The following NOL10 variants were observed in gnomAD, a reference collection of about 807,000 sequenced individuals.
The protein encoded by NOL10 is nucleolar protein 10, also known as H_NH0074G24.1.
A neutral mutation model predicts 103.5 loss-of-function variants in NOL10; 58 were observed. The observed-to-expected ratio is 0.56, with a 90% CI of 0.45 to 0.70. NOL10 has a LOEUF of 0.70. NOL10 is among the 30% of genes least tolerant of loss of function. The pLI, the probability that NOL10 is intolerant of heterozygous loss-of-function variation, is 0.00. For missense variants in NOL10, 763 were observed against 807.3 expected, an observed-to-expected ratio of 0.95 and a Z score of 0.67; for synonymous variants, 287 against 282.5, an observed-to-expected ratio of 1.02 and a Z score of -0.16.
At chr2:10,589,003 T>G in intron 19 of NOL10, 40 bp downstream of exon 19, 1 of 1,603,730 alleles carries the variant, frequency 6.2e-7, no homozygotes, top group Non-Finnish European at 8.5e-7. Context: ...AGCAAGGGCT[T>G]GGTTACATGT....
rs1681088579 is a variant in NOL10 at position 10,673,535 on chromosome 2, A to C, written c.312T>G (p.Ser104=). ...DSEVVTFEIL[S]DDYSKIVFLH... The stretch of plus-strand genomic sequence containing the variant: ...TAAAACATACCTTTGAGTAGTCATC[A>C]GACAAAATTTCAAAGGTGACAACTG... The change falls in exon 5 of 21, where the codon TCT becomes TCG. Residue 104 remains serine, a synonymous_variant. Transcript: ENST00000381685. 6.3e-7 allele frequency: 1 copy of C among 1,599,048 alleles called. No homozygotes were observed. Among genetic ancestry groups the C allele is most frequent in the Non-Finnish European group, 8.5e-7 (1 of 1,171,636 alleles).
intron 9 of NOL10, 91 bp from the exon 10 acceptor site, chr2:10,659,341 TG>T (rs35723682): frequency 0.064 from 15,829 of 248,974 alleles, 920 homozygotes; most frequent in African/African-American, 0.21. Context: ...TCAAATCTAA[TG>T]GGGGGGGGGG....
chr2:10,628,406 G>C (rs1157153688), intron 13 of NOL10, among the ~76,000 whole-genome samples: 3 of 152,088 alleles, frequency 2.0e-5, no homozygotes, highest in Non-Finnish European at 4.4e-5. Context: ...ATTTACAGTT[G>C]ACTGAAACCA....
chr2:10,654,620 G>T, intron 11 of NOL10, 73 bp from the exon 12 acceptor site: 3 of 838,948 alleles, frequency 3.6e-6, no homozygotes, highest in Admixed American at 2.5e-5. Flanking sequence ...AACTGAAGCT[G>T]TAACTCAACC....
At chr2:10,589,808 C>T (rs1314987363) in intron 17 of NOL10, 57 bp from the exon 18 acceptor site, 3 of 1,098,068 alleles carry the variant, frequency 2.7e-6, no homozygotes, top group Non-Finnish European at 2.5e-6. Context: ...AAAATTTGAC[C>T]AGAAACATGG....
intron 13 of NOL10, 60 bp from the exon 14 acceptor site, chr2:10,607,371 GTTAT>G: frequency 6.6e-7 from 1 of 1,505,224 alleles, no homozygotes; most frequent in Non-Finnish European, 8.9e-7. Flanking sequence ...CCAAGTCTCA[GTTAT>G]TTATAACCAG....
At chr2:10,591,204 G>A (rs562667845) in intron 17 of NOL10, among the ~76,000 whole-genome samples, 5 of 152,202 alleles carry the variant, frequency 3.3e-5, no homozygotes, top group South Asian at 4.1e-4. Flanking sequence ...GACTTACAAC[G>A]AAGGGAAAAA....
rs578042820 is a variant in NOL10 at position 10,676,699 on chromosome 2, G to A, written c.212-828C>T. Reference sequence around the variant, plus strand: ...GTCATTTAGACTGGGGTGCAATGGCGTGATCTCGGCTCACTGCAACCTCCG... The same window carrying A: ...GTCATTTAGACTGGGGTGCAATGGCATGATCTCGGCTCACTGCAACCTCCG... On this transcript the variant is annotated intron_variant, in intron 3 of 20. Coordinates refer to ENST00000381685, the MANE Select transcript of NOL10 (RefSeq NM_024894.4). Among the ~76,000 whole-genome samples, 16 of 150,500 alleles carry A rather than the reference G, an allele frequency of 1.1e-4. No homozygotes were observed. In the South Asian group the frequency reaches 2.5e-3, roughly 24 times the overall value.
chr2:10,600,791 A>C, intron 17 of NOL10, 62 bp downstream of exon 17: 5 of 1,086,856 alleles, frequency 4.6e-6, no homozygotes, highest in Non-Finnish European at 6.8e-6. Context: ...GAAACAATAA[A>C]AAAGATGTAA....
chr2:10,586,077 G>C (rs1481793535), intron 19 of NOL10, among the ~76,000 whole-genome samples: 1 of 152,236 alleles, frequency 6.6e-6, no homozygotes, highest in East Asian at 1.9e-4. Context: ...AATCGATAGA[G>C]ACAGAAAAGT....
At chr2:10,645,660 A>C (rs1328922999) in intron 12 of NOL10, among the ~76,000 whole-genome samples, 1 of 151,478 alleles carries the variant, frequency 6.6e-6, no homozygotes, top group Non-Finnish European at 1.5e-5. Context: ...CAGCCTCCCG[A>C]GTAGCTGGGA....
At chr2:10,583,038 C>T (rs1202318656) in intron 19 of NOL10, among the ~76,000 whole-genome samples, 2 of 152,210 alleles carry the variant, frequency 1.3e-5, no homozygotes, top group African/African-American at 4.8e-5. Context: ...GGCCTTTTCC[C>T]AGCCTTCATT....
At position 10,658,032 on chromosome 2, in the gene NOL10, T is replaced by G. The variant is rs1558329970; in HGVS notation, c.757-141A>C. 5 of 526,262 alleles carry G rather than the reference T, an allele frequency of 9.5e-6. No homozygotes were observed. The East Asian group carries it at 1.6e-4, about 16-fold the overall frequency. 32.6% of individuals were successfully genotyped at this position (526,262 alleles called of 1,614,324 possible). On this transcript the variant is annotated intron_variant, in intron 10 of 20. Transcript: ENST00000381685. Reference sequence around the variant, plus strand: ...ACACCCTTACTCAAGGTGCTGAGATTTGAGATTCTTTCCAGAAAGATCTCT... The same window carrying G: ...ACACCCTTACTCAAGGTGCTGAGATGTGAGATTCTTTCCAGAAAGATCTCT...
intron 5 of NOL10, among the ~76,000 whole-genome samples, 176 bp from the exon 6 acceptor site, chr2:10,671,866 C>A (rs1680968120): frequency 6.6e-6 from 1 of 152,130 alleles, no homozygotes; most frequent in South Asian, 2.1e-4. Context: ...AACACTCCAT[C>A]GGCTCCTTAA....
At chr2:10,671,742 A>C in intron 5 of NOL10, 52 bp from the exon 6 acceptor site, 1 of 1,391,182 alleles carries the variant, frequency 7.2e-7, no homozygotes, top group East Asian at 2.5e-5. Context: ...TTAGGTGTTT[A>C]CTTCATTATC....
chr2:10,627,872 G>C (rs1326190565), intron 13 of NOL10, among the ~76,000 whole-genome samples: 2 of 132,554 alleles, frequency 1.5e-5, no homozygotes, highest in Non-Finnish European at 3.5e-5. Context: ...ACCTATACAT[G>C]TACCCCCTGA....
At chr2:10,612,955 G>A (rs573626425) in intron 13 of NOL10, among the ~76,000 whole-genome samples, 2 of 149,874 alleles carry the variant, frequency 1.3e-5, no homozygotes, top group East Asian at 2.0e-4. Flanking sequence ...CCTGAGCCAT[G>A]ATCACGCCAC....
At position 10,586,802 on chromosome 2, in the gene NOL10, C is replaced by G. The variant is rs568017924; in HGVS notation, c.1844+2241G>C. On this transcript the variant is annotated intron_variant, in intron 19 of 20. Coordinates refer to ENST00000381685, the MANE Select transcript of NOL10 (RefSeq NM_024894.4). ...CTTAATAACATTTGCTTTTCTCCAG[C>G]TTATCTTATTGTATGAGTACAGTAT... Among the ~76,000 whole-genome samples the G allele has an allele frequency of 2.0e-4, 31 of 151,882 alleles. 1 individual carries two copies. Among genetic ancestry groups the G allele is most frequent in the Non-Finnish European group, 3.7e-4 (25 of 67,984 alleles).
Position 10,589,235 on chromosome 2 carries a change from G to A in NOL10, c.1652C>T (p.Ser551Leu), listed in dbSNP as rs746919982. 7 of 1,613,726 alleles carry A rather than the reference G, an allele frequency of 4.3e-6. No individual in the cohort carries two copies. Among genetic ancestry groups the A allele is most frequent in the Non-Finnish European group, 1.7e-6 (2 of 1,179,888 alleles). ...TTCAACCCAGGCTTTTTCATCATCTGAACTCTCCGAACTTTCTGCATCACT... is the reference window on the plus strand; with the variant it reads ...TTCAACCCAGGCTTTTTCATCATCTAAACTCTCCGAACTTTCTGCATCACT... ...KPSDAESSES[S>L]DDEKAWVEEV... The change falls in exon 19 of 21, where the codon TCA becomes TTA. Residue 551 changes from serine to leucine, a missense_variant. By Grantham distance (145) the Ser-to-Leu change is moderately radical. Coordinates refer to ENST00000381685, the MANE Select transcript of NOL10 (RefSeq NM_024894.4).
Sources: gnomAD v4.1 joint callset for allele counts (sites outside exome capture counted in the v4.1 genomes callset) on GRCh38, gnomAD v4.1.1 for gene constraint, MANE v1.5 for transcripts, NCBI Gene and HGNC (gene_info 2026-07-23, HGNC 2026-07-21) for gene names.